SNTG2: variants seen among roughly 807,000 people sequenced by gnomAD.
The protein encoded by SNTG2 is gamma-2-syntrophin.
A neutral mutation model predicts 70.9 loss-of-function variants in SNTG2; 74 were observed. The observed-to-expected ratio is 1.04, with a 90% CI of 0.86 to 1.27. The LOEUF is 1.27. SNTG2 is among the 50% of genes most tolerant of loss of function. The pLI is 0.00. For synonymous variants in SNTG2, 278 were observed against 273.8 expected (o/e 1.02, Z -0.15); for missense variants, 717 against 690.7 (o/e 1.04, Z -0.43).
chr2:1,269,528 A>G (rs1678912393), intron 14 of SNTG2, among the ~76,000 whole-genome samples: 1 of 152,174 alleles, frequency 6.6e-6, no homozygotes, highest in South Asian at 2.1e-4. Context: ...CTCAAAAAAA[A>G]AGGTATAGGG....
At chr2:965,149 TCCCCAGTCCTCCTCCTTGGA>T (rs1471420755) in intron 1 of SNTG2, among the ~76,000 whole-genome samples, 2 of 131,324 alleles carry the variant, frequency 1.5e-5, no homozygotes, top group African/African-American at 5.7e-5. Flanking sequence ...CTCCTCCTGG[TCCCCAGTCCTCCTCCTTGGA>T]CCCCAATCCT....
rs184819353 is a variant in SNTG2, at chr2:1,031,479, G to C, written c.73-52039G>C. On this transcript the variant is annotated intron_variant, in intron 1 of 16. Coordinates refer to ENST00000308624, the MANE Select transcript of SNTG2 (RefSeq NM_018968.4). ...ACTCAGCAGTTTTAAAATTTTATGTGTTTGGCTATTTGTATATATAGTTCA... is the reference window on the plus strand; with the variant it reads ...ACTCAGCAGTTTTAAAATTTTATGTCTTTGGCTATTTGTATATATAGTTCA... Among the ~76,000 whole-genome samples, 337 of 130,378 alleles carry C rather than the reference G, an allele frequency of 2.6e-3. 2 individuals carry two copies. The highest frequency in any genetic ancestry group is 9.4e-3 in the African/African-American group (318 of 33,700). 85.5% of individuals were successfully genotyped at this position (130,378 alleles called of 152,430 possible). A position where few individuals can be genotyped will look rare whatever the true frequency, so the allele number is the denominator to read the frequency against.
intron 6 of SNTG2, 68 bp from the exon 7 acceptor site, chr2:1,165,480 T>G: frequency 7.0e-7 from 1 of 1,419,500 alleles, no homozygotes; most frequent in Non-Finnish European, 9.8e-7. Context: ...GTAGAGAGAT[T>G]TTATTTTTTA....
intron 1 of SNTG2, among the ~76,000 whole-genome samples, chr2:1,054,931 T>TTTTG (rs1553315629): frequency 4.4e-5 from 5 of 114,504 alleles, no homozygotes; most frequent in African/African-American, 1.6e-4. Flanking sequence ...GTGATGGCTT[T>TTTTG]TTTTGTTTTG....
intron 13 of SNTG2, among the ~76,000 whole-genome samples, chr2:1,260,763 T>C (rs538374338): frequency 2.1e-4 from 32 of 150,288 alleles, no homozygotes; most frequent in African/African-American, 7.0e-4. Context: ...GGTCATTTCA[T>C]CCATCACATT....
At chr2:970,767 C>A (rs1660713265) in intron 1 of SNTG2, among the ~76,000 whole-genome samples, 1 of 151,338 alleles carries the variant, frequency 6.6e-6, no homozygotes, top group Non-Finnish European at 1.5e-5. Flanking sequence ...GATTTATAGT[C>A]CTTTGGGTAT....
intron 7 of SNTG2, among the ~76,000 whole-genome samples, chr2:1,165,942 C>A (rs1238835398): frequency 6.6e-6 from 1 of 152,046 alleles, no homozygotes; most frequent in African/African-American, 2.4e-5. Context: ...TATATGTTAA[C>A]GTAGAAGCAA....
chr2:1,239,351 T>C lies in SNTG2; in HGVS notation c.850-387T>C, dbSNP rs569245039. The stretch of plus-strand genomic sequence containing the variant: ...AAACAACATCTACCTCCATAGGTCA[T>C]TGGGAGAACTAAATAAAAGAAAGAA... On this transcript the variant is annotated intron_variant, in intron 10 of 16. Coordinates refer to ENST00000308624, the MANE Select transcript of SNTG2 (RefSeq NM_018968.4). Among the ~76,000 whole-genome samples, 6 of 152,292 alleles carry C rather than the reference T, an allele frequency of 3.9e-5. No individual in the cohort carries two copies. The South Asian group carries it at 1.2e-3, about 32-fold the overall frequency.
intron 1 of SNTG2, among the ~76,000 whole-genome samples, chr2:958,009 G>T (rs1463169048): frequency 6.6e-6 from 1 of 152,084 alleles, no homozygotes; most frequent in Admixed American, 6.5e-5. Context: ...AGAACCCCCA[G>T]GTTAGAACTT....
At chr2:1,208,158 A>G (rs931690365) in intron 8 of SNTG2, among the ~76,000 whole-genome samples, 1 of 152,304 alleles carries the variant, frequency 6.6e-6, no homozygotes, top group South Asian at 2.1e-4. Flanking sequence ...CTTCCCGTGG[A>G]CACTGAAGCA....
chr2:1,220,834 C>T (rs1253674969), intron 9 of SNTG2, among the ~76,000 whole-genome samples: 1 of 152,218 alleles, frequency 6.6e-6, no homozygotes, highest in East Asian at 1.9e-4. Flanking sequence ...GTGGGGGTGT[C>T]TTCCGTGGTG....
intron 9 of SNTG2, among the ~76,000 whole-genome samples, chr2:1,218,467 T>C (rs1328878311): frequency 2.6e-5 from 4 of 152,228 alleles, no homozygotes; most frequent in African/African-American, 9.6e-5. Context: ...AATTCATCCT[T>C]TTAAAACAAA....
At chr2:1,101,426 G>A (rs111235265) in intron 4 of SNTG2, among the ~76,000 whole-genome samples, 8 of 152,352 alleles carry the variant, frequency 5.3e-5, no homozygotes, top group African/African-American at 1.9e-4. Context: ...GCACATTCAG[G>A]AACAGAAAGT....
intron 9 of SNTG2, among the ~76,000 whole-genome samples, chr2:1,212,317 CCTT>C (rs1301861179): frequency 4.6e-5 from 7 of 152,186 alleles, no homozygotes; most frequent in African/African-American, 7.2e-5. Context: ...GTCTCGCTCA[CCTT>C]CTGCCTTCCA....
chr2:1,209,688 G>T (rs1440477383), intron 9 of SNTG2, among the ~76,000 whole-genome samples: 6 of 152,158 alleles, frequency 3.9e-5, no homozygotes, highest in African/African-American at 1.4e-4. Flanking sequence ...TGTGAGTTTG[G>T]TTAATTAAAT....
chr2:1,281,578 C>G (rs528607322), intron 14 of SNTG2, among the ~76,000 whole-genome samples: 1 of 151,176 alleles, frequency 6.6e-6, no homozygotes, highest in Non-Finnish European at 1.5e-5. Context: ...AGTGTGCATC[C>G]ATTATCACAG....
At chr2:1,312,032 A>G (rs949166937) in intron 15 of SNTG2, among the ~76,000 whole-genome samples, 5 of 152,108 alleles carry the variant, frequency 3.3e-5, no homozygotes, top group East Asian at 1.9e-4. Flanking sequence ...TCTGCTTGCC[A>G]GATAAAGACA....
intron 4 of SNTG2, among the ~76,000 whole-genome samples, chr2:1,124,034 A>AT (rs61663449): frequency 0.45 from 68,481 of 151,324 alleles, 16,107 homozygotes; most frequent in East Asian, 0.58. Flanking sequence ...TGCAGGAAGA[A>AT]TTTTTTTTAA....
chr2:1,177,366 C>T (rs983749824), intron 8 of SNTG2, among the ~76,000 whole-genome samples: 1 of 152,022 alleles, frequency 6.6e-6, no homozygotes, highest in Admixed American at 6.6e-5. Context: ...GAAAAAATAG[C>T]TAATGGATGC....
Sources: gnomAD v4.1 joint callset for allele counts (sites outside exome capture counted in the v4.1 genomes callset) on GRCh38, gnomAD v4.1.1 for gene constraint, MANE v1.5 for transcripts, NCBI Gene and HGNC (gene_info 2026-07-23, HGNC 2026-07-21) for gene names.